BNC2: variants seen among roughly 807,000 people sequenced by gnomAD.
BNC2 encodes the protein zinc finger protein basonuclin-2.
Under a neutral mutation model 76.3 loss-of-function variants are expected in BNC2, and 20 were observed. The observed-to-expected ratio is 0.26, with a 90% confidence interval of 0.18 to 0.38. The LOEUF is 0.38. Among genes scored for constraint, BNC2 ranks in the 10% least tolerant of loss-of-function variants. The pLI, the probability that BNC2 is intolerant of heterozygous loss-of-function variation, is 1.00. For synonymous variants in BNC2, 582 were observed against 514.8 expected (o/e 1.13, Z -1.77); for missense variants, 1,382 against 1,399.8 (o/e 0.99, Z 0.20).
intron 5 of BNC2, among the ~76,000 whole-genome samples, chr9:16,530,034 G>A (rs1324734422): frequency 1.3e-5 from 2 of 152,050 alleles, no homozygotes; most frequent in Non-Finnish European, 2.9e-5. Context: ...TTTTAGTAGA[G>A]ATGGGGTTTC....
intron 3 of BNC2, among the ~76,000 whole-genome samples, chr9:16,661,033 T>G (rs1822096219): frequency 6.6e-6 from 1 of 152,138 alleles, no homozygotes; most frequent in Non-Finnish European, 1.5e-5. Context: ...TCCTAAATAT[T>G]CTAAAGTGTA....
intron 1 of BNC2, among the ~76,000 whole-genome samples, chr9:16,866,662 TTAAAAAA>T (rs1028334812): frequency 3.8e-5 from 5 of 131,280 alleles, no homozygotes; most frequent in African/African-American, 1.5e-4. Flanking sequence ...TCTGTCACTT[TTAAAAAA>T]AAAAAAAAAA....
intron 5 of BNC2, among the ~76,000 whole-genome samples, chr9:16,476,889 G>T (rs952107133): frequency 1.3e-5 from 2 of 152,150 alleles, no homozygotes; most frequent in Non-Finnish European, 2.9e-5. Context: ...TACAAAAATT[G>T]TCCAATTTGT....
chr9:16,659,768 T>C (rs1170716108), intron 3 of BNC2, among the ~76,000 whole-genome samples: 5 of 152,162 alleles, frequency 3.3e-5, no homozygotes, highest in Admixed American at 1.3e-4. Context: ...TTGCTTTTCT[T>C]GGCCACACGA....
chr9:16,826,438 T>C (rs2135985160), intron 1 of BNC2, among the ~76,000 whole-genome samples: 1 of 152,184 alleles, frequency 6.6e-6, no homozygotes, highest in East Asian at 1.9e-4. Context: ...AAGTTGCGAT[T>C]ATCACTGCCA....
chr9:16,843,147 G>A (rs1046153080), intron 1 of BNC2, among the ~76,000 whole-genome samples: 21 of 152,254 alleles, frequency 1.4e-4, no homozygotes, highest in African/African-American at 5.1e-4. Context: ...ATAATTGACT[G>A]ATGGAGAGAT....
intron 3 of BNC2, among the ~76,000 whole-genome samples, chr9:16,631,555 G>T (rs557180205): frequency 6.6e-6 from 1 of 152,314 alleles, no homozygotes; most frequent in Admixed American, 6.5e-5. Flanking sequence ...CAATAGTCAA[G>T]AAGATTTATT....
At chr9:16,572,953 G>A (rs1399430950) in intron 4 of BNC2, among the ~76,000 whole-genome samples, 2 of 152,032 alleles carry the variant, frequency 1.3e-5, no homozygotes, top group East Asian at 3.9e-4. Flanking sequence ...TTATGGCCGG[G>A]CACGGAGGCT....
At chr9:16,851,180 T>A (rs1228008510) in intron 1 of BNC2, among the ~76,000 whole-genome samples, 1 of 152,212 alleles carries the variant, frequency 6.6e-6, no homozygotes, top group Admixed American at 6.5e-5. Flanking sequence ...TCTTCAAATG[T>A]TATAAAATCT....
intron 3 of BNC2, among the ~76,000 whole-genome samples, chr9:16,598,163 T>G (rs73645999): frequency 6.6e-6 from 1 of 152,308 alleles, no homozygotes; most frequent in African/African-American, 2.4e-5. Context: ...CATAACATCT[T>G]TCTAAGAAAT....
At chr9:16,715,813 C>G (rs1823982500) in intron 3 of BNC2, among the ~76,000 whole-genome samples, 1 of 152,054 alleles carries the variant, frequency 6.6e-6, no homozygotes, top group Non-Finnish European at 1.5e-5. Flanking sequence ...TAGACAACTA[C>G]TACTCCTTAA....
At chr9:16,785,501 TCTC>T (rs1398057882) in intron 1 of BNC2, among the ~76,000 whole-genome samples, 2 of 150,962 alleles carry the variant, frequency 1.3e-5, no homozygotes, top group African/African-American at 2.4e-5. Context: ...TTCAAGCAAT[TCTC>T]CTGCCTCAGC....
intron 4 of BNC2, among the ~76,000 whole-genome samples, chr9:16,562,658 T>C (rs1042342168): frequency 3.3e-5 from 5 of 152,210 alleles, no homozygotes; most frequent in African/African-American, 1.2e-4. Flanking sequence ...TTTTAGCAAG[T>C]ATGTAAGTTC....
chr9:16,500,563 T>A (rs1291838543), intron 5 of BNC2, among the ~76,000 whole-genome samples: 1 of 152,192 alleles, frequency 6.6e-6, no homozygotes, highest in Non-Finnish European at 1.5e-5. Flanking sequence ...TTACAGAGTC[T>A]ACTTTGTCCT....
At chr9:16,424,891 C>T (rs576512705) in intron 6 of BNC2, among the ~76,000 whole-genome samples, 119 of 152,272 alleles carry the variant, frequency 7.8e-4, no homozygotes, top group African/African-American at 2.7e-3. Flanking sequence ...CATTTATTAA[C>T]GATAGGATGC....
intron 5 of BNC2, among the ~76,000 whole-genome samples, chr9:16,481,678 A>G (rs1264852044): frequency 6.6e-6 from 1 of 152,206 alleles, no homozygotes; most frequent in African/African-American, 2.4e-5. Flanking sequence ...AAACTGAAGC[A>G]ATGTTCAATT....
chr9:16,509,713 G>T (rs1440398692), intron 5 of BNC2, among the ~76,000 whole-genome samples: 1 of 152,206 alleles, frequency 6.6e-6, no homozygotes, highest in Non-Finnish European at 1.5e-5. Context: ...ATTCAGGAAA[G>T]CAGGAAAATT....
intron 3 of BNC2, among the ~76,000 whole-genome samples, chr9:16,669,793 GGA>G (rs1404931015): frequency 6.6e-6 from 1 of 152,000 alleles, no homozygotes; most frequent in Non-Finnish European, 1.5e-5. Context: ...CAGATACCAC[GGA>G]AAAAGAAATG....
rs566605296 is a variant in BNC2 at position 16,848,303 on chromosome 9, C to G, written c.3+22343G>C. Among the ~76,000 whole-genome samples, 14 of 152,266 alleles carry G rather than the reference C, an allele frequency of 9.2e-5. No homozygotes were observed. The East Asian group carries it at 2.5e-3, about 27-fold the overall frequency. On this transcript the variant is annotated intron_variant, in intron 1 of 6. Coordinates refer to ENST00000380672, the MANE Select transcript of BNC2 (RefSeq NM_017637.6). ...ACAAATGAAATTCCATCGATGAAGT[C>G]AGGTGTAGTGAAGAGGAGGTATTGT...
Sources: allele counts gnomAD v4.1 joint callset (sites outside exome capture counted in the v4.1 genomes callset), GRCh38; gene constraint gnomAD v4.1.1; transcripts MANE v1.5; gene names NCBI Gene and HGNC (gene_info 2026-07-23, HGNC 2026-07-21).